SLC2A9: variants seen among roughly 807,000 people sequenced by gnomAD.
SLC2A9 encodes the protein solute carrier family 2 member 9.
Under a neutral mutation model 50.6 loss-of-function variants are expected in SLC2A9, and 39 were observed. The ratio of observed to expected loss-of-function variants is 0.77; its 90% confidence interval spans 0.60 to 1.01. The LOEUF (loss-of-function observed/expected upper bound fraction) is 1.01, where lower values mean the gene tolerates loss of function less well. Ranked by LOEUF, SLC2A9 falls within the 50% of genes least tolerant of loss-of-function variation. SLC2A9 has a pLI of 0.00. For missense variants in SLC2A9, 686 were observed against 677.6 expected (o/e 1.01, Z -0.14); for synonymous variants, 324 against 276.9 (o/e 1.17, Z -1.69).
At chr4:9,848,019 A>AAACTGAGGCTAGAGAGGTGGAGT (rs1729252428) in intron 10 of SLC2A9, among the ~76,000 whole-genome samples, 1 of 152,090 alleles carries the variant, frequency 6.6e-6, no homozygotes, top group African/African-American at 2.4e-5. Flanking sequence ...TCAGGTGGGG[A>AAACTGAGGCTAGAGAGGTGGAGT]AACTGAGGCT....
rs190868460 is a variant in SLC2A9, at chr4:9,991,156, C to T, written c.411-5363G>A. On this transcript the variant is annotated intron_variant, in intron 3 of 11. Coordinates refer to ENST00000264784, the MANE Select transcript of SLC2A9 (RefSeq NM_020041.3). ...TCCCCCAAGTGAGGCTAAACTTGAC[C>T]AGGGAGTGCAGCCTTGCCTGGCTCC... is the stretch of plus-strand genomic sequence containing the variant. Among the ~76,000 whole-genome samples the T allele has an allele frequency of 3.1e-4, 47 of 152,260 alleles. 2 individuals are homozygous for T. Among genetic ancestry groups the T allele is most frequent in the Non-Finnish European group, 1.9e-4 (13 of 68,014 alleles).
intron 5 of SLC2A9, among the ~76,000 whole-genome samples, chr4:9,965,932 A>C (rs7435196): frequency 0.5 from 75,727 of 152,086 alleles, 20,664 homozygotes; most frequent in African/African-American, 0.72. Context: ...CCAAAAGACT[A>C]CAGGGTGAGA....
At chr4:9,951,400 T>C (rs930266714) in intron 5 of SLC2A9, among the ~76,000 whole-genome samples, 1 of 152,272 alleles carries the variant, frequency 6.6e-6, no homozygotes. Context: ...ATAAATCCAA[T>C]GTTTGATAGC....
chr4:10,000,953 G>T (rs566281766), intron 2 of SLC2A9, among the ~76,000 whole-genome samples: 1 of 152,194 alleles, frequency 6.6e-6, no homozygotes, highest in African/African-American at 2.4e-5. Context: ...TGACTGTTAG[G>T]GTTGAATTGT....
At chr4:9,777,594 C>A (rs1232813313), downstream of SLC2A9, among the ~76,000 whole-genome samples, 3 of 152,166 alleles carry the variant, frequency 2.0e-5, no homozygotes, top group Non-Finnish European at 2.9e-5. Context: ...TTGATTGAAA[C>A]TTCTGTGCAT....
At chr4:9,912,505 G>A (rs1577854580) in intron 7 of SLC2A9, among the ~76,000 whole-genome samples, 1 of 152,068 alleles carries the variant, frequency 6.6e-6, no homozygotes, top group Non-Finnish European at 1.5e-5. Context: ...CTTAACTCAC[G>A]TCATAGTGTT....
At chr4:9,927,503 C>A (rs1201559053) in intron 6 of SLC2A9, among the ~76,000 whole-genome samples, 1 of 152,216 alleles carries the variant, frequency 6.6e-6, no homozygotes, top group East Asian at 1.9e-4. Context: ...AGGGCAATAG[C>A]CTCGTATAAG....
In SLC2A9 at chr4:10,021,394, C is replaced by T. The variant is rs199704223; in HGVS notation, c.36G>A (p.Leu12=). The T allele has an allele frequency of 6.2e-7, 1 of 1,614,174 alleles. No individual in the cohort carries two copies. Among genetic ancestry groups the T allele is most frequent in the East Asian group, 2.2e-5 (1 of 44,884 alleles). ...TGTCATCTGTGAGGGGAACTAGGCC[C>T]AGTTCCTTGGAATTCCTATTTTGTT... ...ARKQNRNSKE[L]GLVPLTDDTS... Residue 12 remains leucine, a synonymous_variant, in exon 1 of 12, where the codon CTG becomes CTA. Coordinates refer to ENST00000264784, the MANE Select transcript of SLC2A9 (RefSeq NM_020041.3).
rs114197051 is a variant in SLC2A9 at position 10,016,283 on chromosome 4, C to T, written c.249+2692G>A. Among the ~76,000 whole-genome samples the T allele has an allele frequency of 6.9e-3, 1,053 of 152,274 alleles. 9 individuals carry two copies. The highest frequency in any genetic ancestry group is 0.012 in the Admixed American group (186 of 15,300). ...TCTGATGCCTGGGAAACCAGAAGCC[C>T]GCCCAGGGCCAAACTCTGGCTCCAC... On this transcript the variant is annotated intron_variant, in intron 2 of 11. Transcript: ENST00000264784.
intron 2 of SLC2A9, among the ~76,000 whole-genome samples, chr4:10,008,155 T>C (rs370460151): frequency 6.6e-6 from 1 of 152,216 alleles, no homozygotes; most frequent in South Asian, 2.1e-4. Flanking sequence ...TTCCTGGAGA[T>C]TTGATGGGAC....
chr4:9,817,770 A>G (rs1158564714), intron 3 of SLC2A9, among the ~76,000 whole-genome samples: 1 of 152,134 alleles, frequency 6.6e-6, no homozygotes, highest in Non-Finnish European at 1.5e-5. Flanking sequence ...TTTTTGCCCT[A>G]CCAAACTTGA....
chr4:9,778,410 G>A (rs182264284), downstream of SLC2A9, among the ~76,000 whole-genome samples: 31 of 152,156 alleles, frequency 2.0e-4, no homozygotes, highest in East Asian at 4.3e-3. Context: ...GTGGGCCACC[G>A]CACCCGGCCC....
chr4:9,792,158 T>C (rs34184182), intron 3 of SLC2A9, among the ~76,000 whole-genome samples: 1 of 139,326 alleles, frequency 7.2e-6, no homozygotes, highest in Non-Finnish European at 1.5e-5. Context: ...TTCTATTCTA[T>C]GTTTCTTTTT....
At chr4:9,940,462 T>C (rs187027543) in intron 6 of SLC2A9, among the ~76,000 whole-genome samples, 22 of 152,218 alleles carry the variant, frequency 1.4e-4, no homozygotes, top group African/African-American at 5.1e-4. Flanking sequence ...CTAACCAGGG[T>C]CCTCTGGAGA....
rs749685750 is a variant in SLC2A9 at position 9,890,614 on chromosome 4, A to T, written c.1211T>A (p.Leu404Gln). 6.2e-7 allele frequency: 1 copy of T among 1,614,110 alleles called. No individual in the cohort carries two copies. Among genetic ancestry groups the T allele is most frequent in the East Asian group, 2.2e-5 (1 of 44,888 alleles). Residue 404 changes from leucine to glutamine, a missense_variant, in exon 9 of 12, where the codon CTG (leucine) becomes CAG (glutamine). Leu to Gln is a moderately radical substitution (Grantham distance 113, BLOSUM62 -2). Transcript: ENST00000264784. ...GTGACAAGAACATCGTCTCACCTGCAGGGTCAGCGTGATGGTGAGGGTCCC... is the reference window on the plus strand; with the variant it reads ...GTGACAAGAACATCGTCTCACCTGCTGGGTCAGCGTGATGGTGAGGGTCCC... The part of the protein sequence containing the change: ...FFGTLTITLT[L>Q]QDHAPWVPYL...
chr4:9,775,960 G>T (rs771247539), downstream of SLC2A9, among the ~76,000 whole-genome samples: 2 of 152,090 alleles, frequency 1.3e-5, no homozygotes, highest in African/African-American at 4.8e-5. Context: ...AAGAGCTCAG[G>T]GTCCTGTGGG....
intron 3 of SLC2A9, chr4:9,782,113 G>A (rs1282556754): frequency 6.5e-7 from 1 of 1,546,848 alleles, no homozygotes. Context: ...ACGCCGTGGG[G>A]GGCTCGGCGG....
chr4:9,917,240 GA>G (rs150798586), intron 7 of SLC2A9, among the ~76,000 whole-genome samples: 12 of 144,658 alleles, frequency 8.3e-5, no homozygotes, highest in South Asian at 2.2e-4. Context: ...AAGGCAGAGG[GA>G]AAAAAAAATC....
In SLC2A9 at chr4:9,827,466, C is replaced by T. The variant is rs1231871455; in HGVS notation, c.1420-866G>A. Among the ~76,000 whole-genome samples, 3 of 152,230 alleles carry T rather than the reference C, an allele frequency of 2.0e-5. No individual in the cohort carries two copies. In the East Asian group the frequency reaches 5.8e-4, roughly 29 times the overall value. On this transcript the variant is annotated intron_variant, in intron 11 of 11. Transcript: ENST00000264784. ...TGATCCAAAGATAAGGTGACACTGT[C>T]TTTGAATAATATTTCCCAAGAAGCA...
Sources: gnomAD v4.1 joint callset for allele counts (sites outside exome capture counted in the v4.1 genomes callset) on GRCh38, gnomAD v4.1.1 for gene constraint, MANE v1.5 for transcripts, NCBI Gene and HGNC (gene_info 2026-07-23, HGNC 2026-07-21) for gene names.